Variants in BBS9 observed in about 807,000 individuals in gnomAD.
BBS9 encodes protein PTHB1.
BBS9 carries 89 observed loss-of-function variants against 117.7 expected under a neutral mutation model. The ratio of observed to expected loss-of-function variants is 0.76; its 90% CI spans 0.64 to 0.90. BBS9 has a LOEUF of 0.90. BBS9 is among the 40% of genes least tolerant of loss of function. The probability of loss-of-function intolerance (pLI) is 0.00; values close to 1 mark genes in which losing one functional copy is unlikely to be tolerated. For missense variants in BBS9, 982 were observed against 1,042.2 expected, an observed-to-expected ratio of 0.94 and a Z score of 0.80; for synonymous variants, 379 against 370.9, an observed-to-expected ratio of 1.02 and a Z score of -0.25.
chr7:33,400,265 A>T (rs1490346607), intron 19 of BBS9, among the ~76,000 whole-genome samples: 1 of 152,122 alleles, frequency 6.6e-6, no homozygotes, highest in East Asian at 1.9e-4. Context: ...ATATACTCAG[A>T]AACAAGATGT....
At chr7:33,286,474 C>A (rs1012764410) in intron 9 of BBS9, among the ~76,000 whole-genome samples, 12 of 152,102 alleles carry the variant, frequency 7.9e-5, no homozygotes, top group African/African-American at 2.9e-4. Flanking sequence ...TCTTAGAAAA[C>A]ACATGTGATT....
chr7:33,591,853 CT>C (rs1266050436), intron 21 of BBS9, among the ~76,000 whole-genome samples: 4 of 150,954 alleles, frequency 2.6e-5, no homozygotes, highest in African/African-American at 9.7e-5. Flanking sequence ...TTATGTACCC[CT>C]GGCCGTCGTC....
At position 33,268,616 on chromosome 7, in the gene BBS9, TC is replaced by T. The variant is rs531789299; in HGVS notation, c.702+4244del. Among the ~76,000 whole-genome samples the T allele has an allele frequency of 3.0e-4, 46 of 152,328 alleles. 2 individuals are homozygous for T. The South Asian group carries it at 8.5e-3, about 28-fold the overall frequency. ...GGATGCTAAATCATTTCCTTATTAC[TC>T]CATCTTGGCTGGAAGTGGAAGAATT... On this transcript the variant is annotated intron_variant, in intron 7 of 22. Transcript: ENST00000242067.
intron 2 of BBS9, among the ~76,000 whole-genome samples, chr7:33,147,650 C>T (rs924330046): frequency 3.3e-5 from 5 of 152,188 alleles, no homozygotes; most frequent in Non-Finnish European, 5.9e-5. Context: ...AAATACCTGC[C>T]AGAGAGAACA....
chr7:33,285,298 C>T (rs1254682351), intron 9 of BBS9, among the ~76,000 whole-genome samples: 2 of 152,112 alleles, frequency 1.3e-5, no homozygotes, highest in African/African-American at 4.8e-5. Context: ...GAACTCTTGG[C>T]TTTCATGGGT....
intron 19 of BBS9, among the ~76,000 whole-genome samples, chr7:33,484,751 T>C (rs1185605965): frequency 2.0e-5 from 3 of 152,190 alleles, no homozygotes; most frequent in Admixed American, 6.5e-5. Context: ...CTCAAAGATC[T>C]AGAGGCAGAA....
At chr7:33,191,103 G>A (rs1784046001) in intron 5 of BBS9, among the ~76,000 whole-genome samples, 1 of 152,166 alleles carries the variant, frequency 6.6e-6, no homozygotes, top group Non-Finnish European at 1.5e-5. Flanking sequence ...TCTGGGGAGA[G>A]AGGACCTAGA....
chr7:33,403,399 T>G (rs547713235), intron 19 of BBS9, among the ~76,000 whole-genome samples: 2 of 151,562 alleles, frequency 1.3e-5, no homozygotes, highest in African/African-American at 4.8e-5. Flanking sequence ...TGTGCCATGC[T>G]GGTGTGCTGC....
intron 19 of BBS9, among the ~76,000 whole-genome samples, chr7:33,490,234 T>A (rs1843709738): frequency 6.6e-6 from 1 of 152,224 alleles, no homozygotes. Context: ...TTTGGACATT[T>A]CAAGAAAAGA....
intron 19 of BBS9, among the ~76,000 whole-genome samples, chr7:33,400,059 A>G (rs1346990521): frequency 1.3e-5 from 2 of 152,002 alleles, no homozygotes; most frequent in African/African-American, 2.4e-5. Flanking sequence ...TCTGCTTGCT[A>G]GTGTTAGCTT....
intron 21 of BBS9, among the ~76,000 whole-genome samples, chr7:33,590,218 G>T (rs553868359): frequency 6.6e-6 from 1 of 152,052 alleles, no homozygotes; most frequent in East Asian, 1.9e-4. Context: ...ATGTGTGAGA[G>T]AAAGGAAAAA....
chr7:33,132,336 T>C (rs544179869), intron 1 of BBS9, among the ~76,000 whole-genome samples: 2 of 152,228 alleles, frequency 1.3e-5, no homozygotes, highest in Non-Finnish European at 1.5e-5. Flanking sequence ...GTATCTACAA[T>C]TTACTTTGTA....
At chr7:33,321,734 G>A (rs1488769670) in intron 9 of BBS9, among the ~76,000 whole-genome samples, 2 of 151,988 alleles carry the variant, frequency 1.3e-5, no homozygotes, top group Admixed American at 6.6e-5. Flanking sequence ...TGAATTGGTA[G>A]GTAGGACTTT....
intron 18 of BBS9, among the ~76,000 whole-genome samples, chr7:33,384,088 C>T (rs533541800): frequency 3.9e-5 from 6 of 152,332 alleles, no homozygotes; most frequent in African/African-American, 1.4e-4. Context: ...ATTTAATTCT[C>T]CCACATGGAG....
intron 19 of BBS9, among the ~76,000 whole-genome samples, chr7:33,390,890 T>C (rs770700521): frequency 6.6e-6 from 1 of 152,188 alleles, no homozygotes; most frequent in Non-Finnish European, 1.5e-5. Flanking sequence ...TGTATTAATC[T>C]AGCTCTCTTT....
chr7:33,421,547 G>C (rs1366930496), intron 19 of BBS9, among the ~76,000 whole-genome samples: 1 of 152,122 alleles, frequency 6.6e-6, no homozygotes, highest in African/African-American at 2.4e-5. Context: ...ATACTTTATT[G>C]ATCATTTTGT....
rs148213265 is a variant in BBS9 at position 33,183,770 on chromosome 7, A to G, written c.442+6179A>G. 1.1e-3 allele frequency among the ~76,000 whole-genome samples: 170 copies of G among 152,298 alleles called. 1 individual carries two copies. Among genetic ancestry groups the G allele is most frequent in the African/African-American group, 3.8e-3 (158 of 41,570 alleles). Reference sequence around the variant, plus strand: ...GTACTGCCACGTACTTAAAAGGTCAAGCTCCCAAGGACATAAAACAAGACA... The same window carrying G: ...GTACTGCCACGTACTTAAAAGGTCAGGCTCCCAAGGACATAAAACAAGACA... On this transcript the variant is annotated intron_variant, in intron 5 of 22. Transcript: ENST00000242067.
chr7:33,254,319 T>C (rs1796680005), intron 5 of BBS9, among the ~76,000 whole-genome samples: 1 of 152,206 alleles, frequency 6.6e-6, no homozygotes, highest in Non-Finnish European at 1.5e-5. Context: ...TGCTATACCA[T>C]GTTAGGGACT....
At chr7:33,297,574 G>A (rs964840832) in intron 9 of BBS9, among the ~76,000 whole-genome samples, 2 of 152,068 alleles carry the variant, frequency 1.3e-5, no homozygotes, top group African/African-American at 2.4e-5. Flanking sequence ...AAACAGAGAA[G>A]CAAGAAGGAA....
Sources: gnomAD v4.1 joint callset for allele counts (sites outside exome capture counted in the v4.1 genomes callset) on GRCh38, gnomAD v4.1.1 for gene constraint, MANE v1.5 for transcripts, NCBI Gene and HGNC (gene_info 2026-07-23, HGNC 2026-07-21) for gene names.